NEGR1: variants seen among roughly 807,000 people sequenced by gnomAD.
The protein encoded by NEGR1 is neuronal growth regulator 1.
NEGR1 carries 10 observed loss-of-function variants against 40.9 expected under a neutral mutation model. The observed-to-expected ratio is 0.24, with a 90% confidence interval of 0.15 to 0.42. NEGR1 has a LOEUF of 0.42. Among genes scored for constraint, NEGR1 ranks in the 10% least tolerant of loss-of-function variants. The pLI is 1.00. For missense variants in NEGR1, 352 were observed against 438.9 expected (o/e 0.80, Z 1.77); for synonymous variants, 185 against 166.8 (o/e 1.11, Z -0.84).
intron 2 of NEGR1, among the ~76,000 whole-genome samples, chr1:71,901,754 T>G (rs1270940162): frequency 2.7e-5 from 4 of 146,040 alleles, no homozygotes; most frequent in African/African-American, 5.1e-5. Flanking sequence ...CACTGCAACC[T>G]CTGCCTCCCG....
chr1:71,934,586 A>C (rs1329363718), intron 2 of NEGR1, among the ~76,000 whole-genome samples: 1 of 152,146 alleles, frequency 6.6e-6, no homozygotes, highest in Non-Finnish European at 1.5e-5. Flanking sequence ...TATTTCAAAA[A>C]GTTCTAATAT....
intron 1 of NEGR1, among the ~76,000 whole-genome samples, chr1:72,155,977 C>A (rs1393314873): frequency 6.6e-6 from 1 of 152,050 alleles, no homozygotes; most frequent in Non-Finnish European, 1.5e-5. Flanking sequence ...GGGTGGTCTG[C>A]AACAATACTG....
chr1:71,791,830 G>A (rs1287783610), intron 2 of NEGR1, among the ~76,000 whole-genome samples: 2 of 152,070 alleles, frequency 1.3e-5, no homozygotes, highest in African/African-American at 4.8e-5. Flanking sequence ...AGGTGGAGAG[G>A]AGAATCAGAA....
At chr1:71,691,597 T>C (rs1217437756) in intron 4 of NEGR1, among the ~76,000 whole-genome samples, 1 of 151,868 alleles carries the variant, frequency 6.6e-6, no homozygotes, top group African/African-American at 2.4e-5. Flanking sequence ...TTTAAATTCA[T>C]TTGATTAATA....
intron 4 of NEGR1, among the ~76,000 whole-genome samples, chr1:71,676,179 C>G (rs1211601470): frequency 6.6e-6 from 1 of 152,074 alleles, no homozygotes; most frequent in Non-Finnish European, 1.5e-5. Context: ...TTCCAAGCCA[C>G]TAAGGACACT....
At chr1:71,407,635 T>C in intron 6 of NEGR1, 65 bp from the exon 7 acceptor site, 5 of 1,537,230 alleles carry the variant, frequency 3.3e-6, no homozygotes, top group Non-Finnish European at 3.6e-6. Flanking sequence ...TTGACAATAA[T>C]CAAAAGGTAG....
At chr1:71,680,820 G>A (rs979692055) in intron 4 of NEGR1, among the ~76,000 whole-genome samples, 6 of 152,116 alleles carry the variant, frequency 3.9e-5, no homozygotes, top group Non-Finnish European at 7.4e-5. Context: ...CCAATATATT[G>A]TATTTGCCTA....
At chr1:71,623,425 A>G (rs1227381069) in intron 4 of NEGR1, among the ~76,000 whole-genome samples, 1 of 151,976 alleles carries the variant, frequency 6.6e-6, no homozygotes, top group Admixed American at 6.6e-5. Flanking sequence ...TATATGGTTC[A>G]AAGACTAAGG....
chr1:72,245,172 T>C (rs1317721881), intron 1 of NEGR1, among the ~76,000 whole-genome samples: 3 of 152,064 alleles, frequency 2.0e-5, no homozygotes, highest in African/African-American at 4.8e-5. Context: ...CAAAAAATTA[T>C]AGTGACTTCA....
intron 5 of NEGR1, among the ~76,000 whole-genome samples, chr1:71,607,397 T>C (rs551285445): frequency 6.6e-6 from 1 of 152,116 alleles, no homozygotes; most frequent in Admixed American, 6.5e-5. Flanking sequence ...GATAGACTCT[T>C]AAGGGCCTTG....
chr1:71,907,338 G>A (rs1440756776), intron 2 of NEGR1, among the ~76,000 whole-genome samples: 1 of 152,104 alleles, frequency 6.6e-6, no homozygotes, highest in African/African-American at 2.4e-5. Context: ...ACTATTGTTG[G>A]AAACATCAAA....
chr1:71,647,853 CTG>C (rs1390424246), intron 4 of NEGR1, among the ~76,000 whole-genome samples: 1 of 152,010 alleles, frequency 6.6e-6, no homozygotes, highest in Non-Finnish European at 1.5e-5. Context: ...GCTTGTGACA[CTG>C]TGTAAACTTA....
At chr1:72,130,301 C>A (rs971723021) in intron 1 of NEGR1, among the ~76,000 whole-genome samples, 9 of 152,010 alleles carry the variant, frequency 5.9e-5, no homozygotes, top group Admixed American at 5.9e-4. Context: ...GTTTTTTGCC[C>A]GAAACACTGA....
chr1:71,422,157 C>G (rs1387226051), intron 6 of NEGR1, among the ~76,000 whole-genome samples: 1 of 152,144 alleles, frequency 6.6e-6, no homozygotes, highest in African/African-American at 2.4e-5. Flanking sequence ...ACAAAAAACT[C>G]ACGAATACAA....
chr1:71,861,654 C>A (rs542456009), intron 2 of NEGR1, among the ~76,000 whole-genome samples: 1 of 151,986 alleles, frequency 6.6e-6, no homozygotes, highest in South Asian at 2.1e-4. Flanking sequence ...GATGGCTAAC[C>A]TTTATAAATA....
chr1:71,449,398 G>C (rs1318522302), intron 6 of NEGR1, among the ~76,000 whole-genome samples: 1 of 152,148 alleles, frequency 6.6e-6, no homozygotes, highest in Non-Finnish European at 1.5e-5. Flanking sequence ...TGCATTTAGA[G>C]CTATTATTTG....
chr1:71,913,876 A>T (rs990857258), intron 2 of NEGR1, among the ~76,000 whole-genome samples: 3 of 151,108 alleles, frequency 2.0e-5, no homozygotes, highest in Admixed American at 6.6e-5. Flanking sequence ...AAAAACAGTG[A>T]TAACTAAGTA....
At chr1:71,702,503 G>C (rs1318040904) in intron 3 of NEGR1, among the ~76,000 whole-genome samples, 1 of 151,974 alleles carries the variant, frequency 6.6e-6, no homozygotes, top group Non-Finnish European at 1.5e-5. Flanking sequence ...AGAAGGCCTT[G>C]TATTCCATGT....
At chr1:72,228,323 G>A (rs1367190521) in intron 1 of NEGR1, among the ~76,000 whole-genome samples, 1 of 152,168 alleles carries the variant, frequency 6.6e-6, no homozygotes, top group Non-Finnish European at 1.5e-5. Context: ...AAGGAGCAAT[G>A]AGTTCCTTTT....
Sources: allele counts gnomAD v4.1 joint callset (sites outside exome capture counted in the v4.1 genomes callset), GRCh38; gene constraint gnomAD v4.1.1; transcripts MANE v1.5; gene names NCBI Gene and HGNC (gene_info 2026-07-23, HGNC 2026-07-21).